Variants in TMEM135 observed in about 807,000 individuals in gnomAD.
TMEM135 encodes the protein transmembrane protein 135.
TMEM135 carries 30 observed loss-of-function variants against 60.3 expected under a neutral mutation model. That is an observed-to-expected ratio of 0.50 (90% CI 0.37 to 0.68). The LOEUF is 0.68. TMEM135 is among the 30% of genes least tolerant of loss of function. The probability of loss-of-function intolerance (pLI) is 0.00; values close to 1 mark genes in which losing one functional copy is unlikely to be tolerated. For missense variants in TMEM135, 468 were observed against 548.8 expected, an observed-to-expected ratio of 0.85 and a Z score of 1.47; for synonymous variants, 190 against 186.7, an observed-to-expected ratio of 1.02 and a Z score of -0.14.
intron 4 of TMEM135, among the ~76,000 whole-genome samples, chr11:87,141,077 G>A (rs916028119): frequency 2.7e-5 from 4 of 146,856 alleles, no homozygotes; most frequent in African/African-American, 1.0e-4. Context: ...TGACTATCTT[G>A]TATCCTTTGC....
At chr11:87,281,991 T>C (rs1255052872) in intron 6 of TMEM135, among the ~76,000 whole-genome samples, 1 of 152,260 alleles carries the variant, frequency 6.6e-6, no homozygotes, top group African/African-American at 2.4e-5. Flanking sequence ...CTTAGCTCAG[T>C]GGTTTTCAAG....
At chr11:87,108,681 A>G in intron 4 of TMEM135, among the ~76,000 whole-genome samples, 1 of 152,166 alleles carries the variant, frequency 6.6e-6, no homozygotes, top group East Asian at 1.9e-4. Flanking sequence ...GTTTAGTGCT[A>G]TAAATTTCCC....
At chr11:87,055,361 G>C (rs2445538) in intron 1 of TMEM135, among the ~76,000 whole-genome samples, 102,364 of 152,038 alleles carry the variant, frequency 0.67, 35,865 homozygotes, top group East Asian at 0.88. Context: ...TTACTTACCT[G>C]AAAGTCAAAG....
At chr11:87,161,957 G>C (rs901444799) in intron 5 of TMEM135, among the ~76,000 whole-genome samples, 1 of 152,106 alleles carries the variant, frequency 6.6e-6, no homozygotes, top group Non-Finnish European at 1.5e-5. Flanking sequence ...GAATAAAACT[G>C]GCCGGTATCT....
intron 6 of TMEM135, chr11:87,258,741 A>G: frequency 4.7e-6 from 2 of 426,380 alleles, no homozygotes; most frequent in Non-Finnish European, 8.8e-6. Context: ...CCAGGTTTAG[A>G]TGGATCAATG....
intron 5 of TMEM135, among the ~76,000 whole-genome samples, chr11:87,201,638 G>A (rs1940095846): frequency 1.3e-5 from 2 of 152,156 alleles, no homozygotes; most frequent in Non-Finnish European, 1.5e-5. Flanking sequence ...GTTAATGTTA[G>A]CTGTACATTA....
chr11:87,136,961 A>G (rs768104650), intron 4 of TMEM135, among the ~76,000 whole-genome samples: 77 of 152,132 alleles, frequency 5.1e-4, no homozygotes, highest in South Asian at 1.2e-3. Context: ...GCATTTGTTT[A>G]GTGCAATGCT....
At chr11:87,251,781 G>A (rs1348566039) in intron 6 of TMEM135, among the ~76,000 whole-genome samples, 1 of 152,174 alleles carries the variant, frequency 6.6e-6, no homozygotes, top group Admixed American at 6.5e-5. Context: ...AAACGCGTGA[G>A]CACCTAGAAC....
intron 5 of TMEM135, among the ~76,000 whole-genome samples, chr11:87,183,105 T>C (rs1024097624): frequency 2.6e-5 from 4 of 151,844 alleles, no homozygotes; most frequent in Admixed American, 1.3e-4. Context: ...TTACTGATTT[T>C]TTAAAATTAA....
intron 5 of TMEM135, among the ~76,000 whole-genome samples, chr11:87,159,637 G>A (rs1408716181): frequency 8.3e-6 from 1 of 121,098 alleles, no homozygotes; most frequent in Admixed American, 9.5e-5. Context: ...TTCCGAGACG[G>A]TTGGCTAAAT....
chr11:87,175,569 A>G (rs1939346382), intron 5 of TMEM135, among the ~76,000 whole-genome samples: 1 of 152,140 alleles, frequency 6.6e-6, no homozygotes, highest in Non-Finnish European at 1.5e-5. Flanking sequence ...ATACAAAAAT[A>G]AATGTGTCAT....
intron 12 of TMEM135, among the ~76,000 whole-genome samples, chr11:87,317,726 G>C (rs1942756966): frequency 1.3e-5 from 2 of 152,108 alleles, no homozygotes. Flanking sequence ...GACTTCTTTT[G>C]AGTTCTCATC....
At chr11:87,134,013 C>G (rs1938015013) in intron 4 of TMEM135, among the ~76,000 whole-genome samples, 2 of 77,364 alleles carry the variant, frequency 2.6e-5, no homozygotes, top group Admixed American at 2.7e-4. Flanking sequence ...TGGGCATATG[C>G]TTTCATTTTT....
At chr11:87,087,515 A>G (rs1404276571) in intron 3 of TMEM135, among the ~76,000 whole-genome samples, 1 of 152,226 alleles carries the variant, frequency 6.6e-6, no homozygotes, top group Non-Finnish European at 1.5e-5. Context: ...TAATGAGGTG[A>G]GAATTTAATG....
intron 4 of TMEM135, among the ~76,000 whole-genome samples, chr11:87,144,418 A>G (rs1180028578): frequency 6.6e-6 from 1 of 152,232 alleles, no homozygotes. Flanking sequence ...GCCATAGACA[A>G]TAGGTAAACA....
intron 6 of TMEM135, among the ~76,000 whole-genome samples, chr11:87,287,327 C>T (rs1013881604): frequency 2.0e-5 from 3 of 152,098 alleles, no homozygotes; most frequent in African/African-American, 7.2e-5. Context: ...TTTGAGTTTC[C>T]TTCTAGTTTA....
chr11:87,043,026 G>T lies in TMEM135; in HGVS notation c.141+4840G>T, dbSNP rs555547179. ...GCTGGAGTGCAGTGGTGTGATCTCG[G>T]CTCACTACAACCTCCGCCTCCCAGG... On this transcript the variant is annotated intron_variant, in intron 1 of 14. Coordinates refer to ENST00000305494, the MANE Select transcript of TMEM135 (RefSeq NM_022918.4). Among the ~76,000 whole-genome samples, 118 of 149,588 alleles carry T rather than the reference G, an allele frequency of 7.9e-4. 2 individuals are homozygous for T. The highest frequency in any genetic ancestry group is 2.8e-3 in the African/African-American group (114 of 40,398).
intron 4 of TMEM135, among the ~76,000 whole-genome samples, chr11:87,103,958 T>A (rs1379719841): frequency 1.3e-5 from 2 of 152,222 alleles, no homozygotes; most frequent in African/African-American, 2.4e-5. Flanking sequence ...TTTGTCTATT[T>A]TTGCTTTTAT....
intron 5 of TMEM135, among the ~76,000 whole-genome samples, chr11:87,167,914 A>T (rs1404309794): frequency 6.6e-6 from 1 of 152,204 alleles, no homozygotes; most frequent in Non-Finnish European, 1.5e-5. Flanking sequence ...CTCTGGTAGA[A>T]TTCAGGTGTG....
Sources: gnomAD v4.1 joint callset for allele counts (sites outside exome capture counted in the v4.1 genomes callset) on GRCh38, gnomAD v4.1.1 for gene constraint, MANE v1.5 for transcripts, NCBI Gene and HGNC (gene_info 2026-07-23, HGNC 2026-07-21) for gene names.